The following KLHL14 variants were observed in gnomAD, a reference collection of about 807,000 sequenced individuals.
KLHL14 encodes the protein kelch like family member 14, also known as kelch-like protein 14.
Under a neutral mutation model 64.3 loss-of-function variants are expected in KLHL14, and 22 were observed. The observed-to-expected ratio is 0.34, with a 90% confidence interval of 0.24 to 0.49. KLHL14 has a LOEUF of 0.49. KLHL14 is among the 20% of genes least tolerant of loss of function. KLHL14 has a pLI of 0.99. For synonymous variants in KLHL14, 322 were observed against 333.4 expected, an observed-to-expected ratio of 0.97 and a Z score of 0.37; for missense variants, 661 against 789.0, an observed-to-expected ratio of 0.84 and a Z score of 1.94.
At chr18:32,732,076 T>A (rs548481137) in intron 3 of KLHL14, among the ~76,000 whole-genome samples, 143 of 152,116 alleles carry the variant, frequency 9.4e-4, no homozygotes, top group Non-Finnish European at 1.7e-3. Context: ...ATACAAAAAT[T>A]AGCCGGGCGT....
rs376761923 is a variant in KLHL14 at position 32,675,674 on chromosome 18, C to A, written c.1747-877G>T. Among the ~76,000 whole-genome samples, 197 of 152,234 alleles carry A rather than the reference C, an allele frequency of 1.3e-3. 1 individual carries two copies. The highest frequency in any genetic ancestry group is 4.6e-3 in the African/African-American group (192 of 41,538). On this transcript the variant is annotated intron_variant, in intron 8 of 8. Coordinates refer to ENST00000359358, the MANE Select transcript of KLHL14 (RefSeq NM_020805.3). The stretch of plus-strand genomic sequence containing the variant: ...ACTTTAGAGGCTAGTGCTTGTGTAA[C>A]CTTTTCCTCCCCAAACCAAGGCAGC...
intron 2 of KLHL14, among the ~76,000 whole-genome samples, chr18:32,742,533 T>C (rs1660224405): frequency 6.6e-6 from 1 of 152,168 alleles, no homozygotes; most frequent in South Asian, 2.1e-4. Flanking sequence ...AAATACGAGT[T>C]TGGTACAATT....
At position 32,680,682 on chromosome 18, in the gene KLHL14, A is replaced by G. The variant is rs761463044; in HGVS notation, c.1239-83T>C. 59 of 1,327,402 alleles carry G rather than the reference A, an allele frequency of 4.4e-5. No individual in the cohort carries two copies. The highest frequency in any genetic ancestry group is 5.8e-5 in the Non-Finnish European group (56 of 970,758). The allele number at this position is 1,327,402 out of a possible 1,614,324, so 82.2% of individuals were successfully genotyped here. On this transcript the variant is annotated intron_variant, in intron 5 of 8. Transcript: ENST00000359358. The surrounding 1 kb of genome is among the most constrained non-coding windows in gnomAD (Gnocchi z 4.8). ...GAAATAAGATAAGCACCACACAGCT[A>G]GTCAGGGAAAGGGGTGCATTCTGCT...
chr18:32,697,377 A>G (rs2049942051), intron 3 of KLHL14, among the ~76,000 whole-genome samples: 1 of 152,196 alleles, frequency 6.6e-6, no homozygotes, highest in Non-Finnish European at 1.5e-5. Context: ...GTTGATGGTA[A>G]TGTCCTCTGG....
chr18:32,713,516 A>G (rs12956194), intron 3 of KLHL14, among the ~76,000 whole-genome samples: 47,179 of 152,092 alleles, frequency 0.31, 7,832 homozygotes, highest in African/African-American at 0.42. Context: ...CACTTTGGGA[A>G]GCTGAGGTGG....
chr18:32,765,183 T>C (rs943182404), intron 2 of KLHL14, among the ~76,000 whole-genome samples: 6 of 152,206 alleles, frequency 3.9e-5, no homozygotes, highest in African/African-American at 1.2e-4. Flanking sequence ...AATTAAGTAA[T>C]GTATGTGAAG....
chr18:32,687,879 A>C (rs946724644), intron 4 of KLHL14, among the ~76,000 whole-genome samples: 20 of 152,130 alleles, frequency 1.3e-4, no homozygotes, highest in African/African-American at 4.8e-4. Context: ...AAAGAGCCTG[A>C]CTGGGAAAGT....
At chr18:32,732,122 G>A (rs2050140100) in intron 3 of KLHL14, among the ~76,000 whole-genome samples, 1 of 152,178 alleles carries the variant, frequency 6.6e-6, no homozygotes. Context: ...TACTCAGGAG[G>A]CTGAGGCAGG....
At chr18:32,697,003 T>G (rs978630826) in intron 3 of KLHL14, among the ~76,000 whole-genome samples, 3 of 152,210 alleles carry the variant, frequency 2.0e-5, no homozygotes, top group Non-Finnish European at 4.4e-5. Flanking sequence ...GCGGAAGGCA[T>G]TGGTGTGTAA....
chr18:32,748,406 G>T (rs1228661355), intron 2 of KLHL14, among the ~76,000 whole-genome samples: 1 of 150,548 alleles, frequency 6.6e-6, no homozygotes, highest in Non-Finnish European at 1.5e-5. Context: ...GTATCGCTCT[G>T]TCACCGAGGC....
Position 32,680,279 on chromosome 18 carries a change from G to A in KLHL14, c.1478C>T (p.Pro493Leu). ...TTTTCGAGCCCAGACATCCATTACT[G>A]GGTCATAGCAATATAGCCATGGGAC... Reference protein sequence around the residue: ...EYVPWLYCYDPVMDVWARKQD... With the variant: ...EYVPWLYCYDLVMDVWARKQD... Residue 493 changes from proline (P) to leucine (L), a missense_variant, in exon 7 of 9, where the codon CCA (proline) becomes CTA (leucine). Around this residue, in one of 2 missense-constraint regions of KLHL14, gnomAD observed 330 missense variants for 450.0 expected, o/e 0.73. Coordinates refer to ENST00000359358, the MANE Select transcript of KLHL14 (RefSeq NM_020805.3). This position sits in a 1 kb window ranked among gnomAD's most constrained non-coding sequence, Gnocchi z 4.8. 2 of 1,613,826 alleles carry A rather than the reference G, an allele frequency of 1.2e-6. No homozygotes were observed. Among genetic ancestry groups the A allele is most frequent in the Non-Finnish European group, 1.7e-6 (2 of 1,179,824 alleles).
Position 32,680,471 on chromosome 18 carries a change from G to C in KLHL14, c.1367C>G (p.Ser456Cys). The C allele has an allele frequency of 6.2e-7, 1 of 1,614,032 alleles. No individual in the cohort carries two copies. The highest frequency in any genetic ancestry group is 1.1e-5 in the South Asian group (1 of 91,086). Residue 456 changes from serine (S) to cysteine (C), a missense_variant, in exon 6 of 9, where the codon TCT becomes TGT. Physicochemically the swap from Ser to Cys is moderately radical, Grantham distance 112 (BLOSUM62 -1). This residue lies in a region of KLHL14 where 330 missense variants were observed against 450.0 expected (regional missense o/e 0.73). Coordinates refer to ENST00000359358, the MANE Select transcript of KLHL14 (RefSeq NM_020805.3). This position sits in a 1 kb window ranked among gnomAD's most constrained non-coding sequence, Gnocchi z 4.8. ...ATGAGCCGCCAGAGGCTGTGGCAAAGAGGACACATAGCGCCATTCATTCGT... is the reference window on the plus strand; with the variant it reads ...ATGAGCCGCCAGAGGCTGTGGCAAACAGGACACATAGCGCCATTCATTCGT... Reference protein sequence around the residue: ...LETNEWRYVSSLPQPLAAHAG... With the variant: ...LETNEWRYVSCLPQPLAAHAG...
At chr18:32,737,722 C>T (rs2050173207) in intron 3 of KLHL14, 1 of 152,148 alleles carries the variant, frequency 6.6e-6, no homozygotes, top group Admixed American at 6.6e-5. Context: ...TCAGAGGAGA[C>T]AACCTAGGAA....
chr18:32,768,291 C>CT (rs1324608727), intron 2 of KLHL14, among the ~76,000 whole-genome samples: 1 of 152,048 alleles, frequency 6.6e-6, no homozygotes, highest in East Asian at 1.9e-4. Context: ...CTCATGCCTC[C>CT]TGTTGGCCTC....
At chr18:32,738,534 C>CA (rs2050178232) in intron 3 of KLHL14, 1 of 152,150 alleles carries the variant, frequency 6.6e-6, no homozygotes, top group Non-Finnish European at 1.5e-5. Context: ...TTCACATTTA[C>CA]AAAAAGACGT....
At chr18:32,720,970 G>A (rs1283363733) in intron 3 of KLHL14, among the ~76,000 whole-genome samples, 4 of 152,222 alleles carry the variant, frequency 2.6e-5, no homozygotes, top group African/African-American at 9.6e-5. Flanking sequence ...GGTAGCACAT[G>A]TATTTTAAGA....
intron 2 of KLHL14, among the ~76,000 whole-genome samples, chr18:32,760,334 A>G (rs1316662805): frequency 1.0e-5 from 1 of 96,216 alleles, no homozygotes. Flanking sequence ...GTGTACACAC[A>G]GACATACACA....
intron 2 of KLHL14, among the ~76,000 whole-genome samples, chr18:32,768,323 A>G (rs941165835): frequency 6.6e-6 from 1 of 152,000 alleles, no homozygotes; most frequent in African/African-American, 2.4e-5. Flanking sequence ...AGAGCTGCCT[A>G]AAAAAGTGTA....
chr18:32,751,378 A>ATGCCTC (rs1305013997), intron 2 of KLHL14, among the ~76,000 whole-genome samples: 2 of 152,144 alleles, frequency 1.3e-5, no homozygotes, highest in African/African-American at 4.8e-5. Flanking sequence ...AGACCTGATA[A>ATGCCTC]TGCCTCTGGG....
Sources: allele counts gnomAD v4.1 joint callset (sites outside exome capture counted in the v4.1 genomes callset), GRCh38; gene constraint gnomAD v4.1.1; regional missense constraint gnomAD v4.1.1; non-coding constraint Gnocchi (gnomAD v3.1); transcripts MANE v1.5; gene names NCBI Gene and HGNC (gene_info 2026-07-23, HGNC 2026-07-21).